The following TBX15 variants were observed in gnomAD, a reference collection of about 807,000 sequenced individuals.
TBX15 encodes the protein T-box transcription factor TBX15.
In TBX15, 18 loss-of-function variants were observed where a neutral mutation model predicts 53.9. That is an observed-to-expected ratio of 0.33 (90% confidence interval 0.23 to 0.49). The LOEUF is 0.49. TBX15 is among the 20% of genes least tolerant of loss of function. TBX15 has a pLI of 0.98. For synonymous variants in TBX15, 295 were observed against 278.0 expected (o/e 1.06, Z -0.61); for missense variants, 692 against 749.5 (o/e 0.92, Z 0.90).
intron 1 of TBX15, among the ~76,000 whole-genome samples, chr1:118,983,963 T>C (rs757190845): frequency 6.6e-6 from 1 of 152,224 alleles, no homozygotes; most frequent in Non-Finnish European, 1.5e-5. Flanking sequence ...TGTTACCCTA[T>C]TGGGGGTTGG....
chr1:118,967,058 T>C (rs926449756), intron 1 of TBX15, among the ~76,000 whole-genome samples: 2 of 152,092 alleles, frequency 1.3e-5, no homozygotes, highest in African/African-American at 4.8e-5. Context: ...GTGTGAAAAC[T>C]AGACATACAG....
chr1:118,897,614 A>G (rs1296510764), intron 7 of TBX15, among the ~76,000 whole-genome samples: 2 of 152,228 alleles, frequency 1.3e-5, no homozygotes, highest in Non-Finnish European at 2.9e-5. Flanking sequence ...CCTCTTTTGT[A>G]GGTGAGAATA....
intron 1 of TBX15, among the ~76,000 whole-genome samples, chr1:118,985,970 C>A (rs938736455): frequency 4.6e-5 from 7 of 152,190 alleles, no homozygotes; most frequent in Non-Finnish European, 1.0e-4. Flanking sequence ...AATTATGACC[C>A]CATGTATTAC....
intron 7 of TBX15, among the ~76,000 whole-genome samples, chr1:118,893,357 GA>G (rs1233034425): frequency 0.27 from 9,192 of 33,812 alleles, 738 homozygotes; most frequent in Non-Finnish European, 0.32. Context: ...AGGAAGGAAG[GA>G]AAGAAAGAAA....
chr1:118,988,806 G>A (rs1159115692), upstream of TBX15, among the ~76,000 whole-genome samples: 1 of 152,230 alleles, frequency 6.6e-6, no homozygotes, highest in Non-Finnish European at 1.5e-5. Flanking sequence ...TCGCCACACA[G>A]GTTTTAATGT....
At position 118,950,430 on chromosome 1, in the gene TBX15, G is replaced by A. The variant is rs533407946; in HGVS notation, c.206-18598C>T. Among the ~76,000 whole-genome samples the A allele has an allele frequency of 7.2e-5, 11 of 152,324 alleles. No homozygotes were observed. In the East Asian group the frequency reaches 1.9e-3, roughly 27 times the overall value. On this transcript the variant is annotated intron_variant, in intron 1 of 7. Coordinates refer to ENST00000369429, the MANE Select transcript of TBX15 (RefSeq NM_001330677.2). ...GAGCTCTTTCTTCATGCATCCTTGG[G>A]GCAGAGGCCACTTGATGTGGTCTCA...
intron 5 of TBX15, among the ~76,000 whole-genome samples, chr1:118,918,309 G>T (rs1055714447): frequency 2.6e-5 from 4 of 152,050 alleles, no homozygotes; most frequent in African/African-American, 9.7e-5. Context: ...ATTTAATTAA[G>T]CAGAACCTAG....
chr1:118,967,128 A>C (rs1205713348), intron 1 of TBX15, among the ~76,000 whole-genome samples: 1 of 152,258 alleles, frequency 6.6e-6, no homozygotes, highest in Non-Finnish European at 1.5e-5. Context: ...AGACAGACGT[A>C]AACAAATAAT....
rs199611902 is a variant in TBX15, at chr1:118,923,545, A to G, written c.752T>C (p.Phe251Ser). 4.9e-5 allele frequency: 79 copies of G among 1,614,028 alleles called. No individual in the cohort carries two copies. In the East Asian group the frequency reaches 1.5e-3, roughly 30 times the overall value. ...CTTAGTGGGTGAAAGGTCACTGCTG[A>G]AGTCTTTGCGAATCACATGAACTCG... is the stretch of plus-strand genomic sequence containing the variant. ...QPRVHVIRKD[F>S]SSDLSPTKPV... The change falls in exon 5 of 8, where the codon TTC becomes TCC. Residue 251 changes from phenylalanine to serine, a missense_variant. Transcript: ENST00000369429.
At chr1:118,979,019 C>A (rs1039421458) in intron 1 of TBX15, among the ~76,000 whole-genome samples, 1 of 152,104 alleles carries the variant, frequency 6.6e-6, no homozygotes, top group African/African-American at 2.4e-5. Flanking sequence ...AGGCACCTAG[C>A]CCCTAGGTTT....
chr1:118,981,523 A>G (rs1312459561), intron 1 of TBX15, among the ~76,000 whole-genome samples: 1 of 152,252 alleles, frequency 6.6e-6, no homozygotes, highest in Admixed American at 6.5e-5. Context: ...TAATATTAAA[A>G]GTATAAAATG....
At chr1:118,898,909 T>C in intron 7 of TBX15, 119 bp downstream of exon 7, 1 of 1,024,760 alleles carries the variant, frequency 9.8e-7, no homozygotes, top group East Asian at 2.6e-5. Flanking sequence ...GTTCTCTTCA[T>C]TCCAGGAGAA....
intron 1 of TBX15, among the ~76,000 whole-genome samples, chr1:118,960,888 G>GC (rs1488351782): frequency 1.3e-5 from 2 of 152,178 alleles, no homozygotes; most frequent in Non-Finnish European, 2.9e-5. Flanking sequence ...CCTGGACTTG[G>GC]CCCAACCCAT....
chr1:118,912,010 G>C lies in TBX15; in HGVS notation c.926+2105C>G, dbSNP rs182688331. ...GCCTTTGCAGTGCAGACAATAAATG[G>C]TTAAAGTATGTTCAGATGGCAATTT... On this transcript the variant is annotated intron_variant, in intron 6 of 7. Transcript: ENST00000369429. 5.9e-5 allele frequency among the ~76,000 whole-genome samples: 9 copies of C among 152,256 alleles called. No individual in the cohort carries two copies. In the East Asian group the frequency reaches 1.7e-3, roughly 29 times the overall value.
chr1:118,929,078 T>A (rs1655696697), intron 2 of TBX15, among the ~76,000 whole-genome samples: 1 of 152,214 alleles, frequency 6.6e-6, no homozygotes, highest in African/African-American at 2.4e-5. Context: ...ATGTGTTTGG[T>A]TTTAATTTTA....
intron 7 of TBX15, among the ~76,000 whole-genome samples, chr1:118,888,475 G>A (rs1427082825): frequency 6.6e-6 from 1 of 152,178 alleles, no homozygotes; most frequent in Non-Finnish European, 1.5e-5. Context: ...GAATGGCCAG[G>A]CCTTCTGTGC....
intron 7 of TBX15, among the ~76,000 whole-genome samples, chr1:118,892,534 C>T (rs1036917676): frequency 6.6e-6 from 1 of 151,990 alleles, no homozygotes; most frequent in Middle Eastern, 3.2e-3. Context: ...TTGTGAAATG[C>T]AGTTAGATAA....
intron 1 of TBX15, among the ~76,000 whole-genome samples, chr1:118,962,220 T>G (rs1464772016): frequency 6.6e-6 from 1 of 152,182 alleles, no homozygotes; most frequent in Non-Finnish European, 1.5e-5. Flanking sequence ...ACTGATAACA[T>G]TTTGGCTATG....
intron 5 of TBX15, among the ~76,000 whole-genome samples, chr1:118,915,549 T>G (rs1006123784): frequency 6.6e-6 from 1 of 152,230 alleles, no homozygotes; most frequent in Non-Finnish European, 1.5e-5. Context: ...TACATGTATT[T>G]TATAGACCAT....
Sources: gnomAD v4.1 joint callset for allele counts (sites outside exome capture counted in the v4.1 genomes callset) on GRCh38, gnomAD v4.1.1 for gene constraint, MANE v1.5 for transcripts, NCBI Gene and HGNC (gene_info 2026-07-23, HGNC 2026-07-21) for gene names.